Variants in DRC4 observed in about 807,000 individuals in gnomAD.
The protein encoded by DRC4 is GAS-11.
At chr16:90,043,106 C>G in the DRC4 span, 1 of 1,406,474 alleles carries the variant, frequency 7.1e-7, no homozygotes, top group African/African-American at 1.4e-5. Context: ...CACCGTGATG[C>G]TCACGCTGCC....
chr16:90,028,722 T>G, the DRC4 span, among the ~76,000 whole-genome samples: 5 of 152,342 alleles, frequency 3.3e-5, no homozygotes, highest in East Asian at 9.6e-4. Flanking sequence ...CGGTGCACCC[T>G]CTGGCCTCTG....
At chr16:90,024,573 C>T in the DRC4 span, among the ~76,000 whole-genome samples, 1 of 152,174 alleles carries the variant, frequency 6.6e-6, no homozygotes, top group Non-Finnish European at 1.5e-5. Context: ...TCAGGGTCTT[C>T]ACAATGCCTG....
the DRC4 span, chr16:90,040,245 C>G: frequency 6.6e-7 from 1 of 1,508,144 alleles, no homozygotes; most frequent in Admixed American, 2.0e-5. Context: ...ATCTTCCCAG[C>G]GAGATGTCCC....
the DRC4 span, among the ~76,000 whole-genome samples, chr16:90,035,319 C>G: frequency 6.6e-6 from 1 of 152,320 alleles, no homozygotes. Flanking sequence ...GGAATGAATC[C>G]TTTTAATATG....
At chr16:90,038,747 C>G in the DRC4 span, among the ~76,000 whole-genome samples, 10 of 152,280 alleles carry the variant, frequency 6.6e-5, no homozygotes. Context: ...CATCTCATTT[C>G]GTGGGCACTT....
At chr16:90,022,827 A>C in the DRC4 span, 4 of 1,130,708 alleles carry the variant, frequency 3.5e-6, no homozygotes, top group African/African-American at 4.9e-5. Flanking sequence ...GGAGGCCTGG[A>C]GCGCTGGGTT....
chr16:90,034,285 C>T, the DRC4 span, among the ~76,000 whole-genome samples: 2 of 152,146 alleles, frequency 1.3e-5, no homozygotes, highest in African/African-American at 4.8e-5. Flanking sequence ...AACCCAGGTC[C>T]TGGATATGAT....
At chr16:90,041,367 C>T in the DRC4 span, among the ~76,000 whole-genome samples, 6 of 152,182 alleles carry the variant, frequency 3.9e-5, no homozygotes, top group South Asian at 2.1e-4. Context: ...TGTCAGTGGG[C>T]AGCAGGGACG....
the DRC4 span, chr16:90,027,616 C>G: frequency 1.2e-6 from 2 of 1,612,292 alleles, no homozygotes; most frequent in Admixed American, 3.3e-5. Flanking sequence ...GTCTCTCTTA[C>G]CCCATTATTT....
chr16:90,040,391 A>G, the DRC4 span: 1 of 1,611,948 alleles, frequency 6.2e-7, no homozygotes, highest in Non-Finnish European at 8.5e-7. Flanking sequence ...CTCGTGCTAG[A>G]ACGCAAGCTG....
chr16:90,031,698 A>G, the DRC4 span, among the ~76,000 whole-genome samples: 706 of 152,242 alleles, frequency 4.6e-3, 5 homozygotes, highest in African/African-American at 0.016. Context: ...TGGAAGGAAT[A>G]TGGGCTCTGG....
the DRC4 span, chr16:90,035,494 C>A: frequency 9.2e-7 from 1 of 1,083,162 alleles, no homozygotes; most frequent in Non-Finnish European, 1.4e-6. Flanking sequence ...CTCTCTCAAG[C>A]TTAGAGGTGA....
At chr16:90,030,914 C>T in the DRC4 span, among the ~76,000 whole-genome samples, 5 of 152,126 alleles carry the variant, frequency 3.3e-5, no homozygotes, top group African/African-American at 9.7e-5. Flanking sequence ...CACCGCGCCT[C>T]GCTTATTTCC....
chr16:90,037,613 C>T, the DRC4 span: 51 of 958,438 alleles, frequency 5.3e-5, no homozygotes, highest in African/African-American at 1.6e-4. Context: ...TGCTACCGGC[C>T]GGCCTTGGTG....
chr16:90,042,372 C>T, the DRC4 span: 612 of 924,996 alleles, frequency 6.6e-4, 1 homozygote, highest in Admixed American at 1.5e-3. Flanking sequence ...GGCTGCTATT[C>T]GCTGGATCTC....
the DRC4 span, chr16:90,031,415 G>C: frequency 1.2e-6 from 2 of 1,613,494 alleles, no homozygotes; most frequent in Non-Finnish European, 1.7e-6. Context: ...CACGGAGGCA[G>C]CTGGAGGAGA....
the DRC4 span, chr16:90,036,944 C>G: frequency 1.8e-6 from 1 of 556,062 alleles, no homozygotes; most frequent in South Asian, 2.0e-5. Context: ...GTCATCGTCA[C>G]TGCATGCTGG....
At chr16:90,029,165 C>T in the DRC4 span, 171 of 1,195,356 alleles carry the variant, frequency 1.4e-4, 1 homozygote, top group East Asian at 2.1e-3. Flanking sequence ...GGGCAGGCTA[C>T]GGGGCAGCTT....
At chr16:90,037,459 G>A in the DRC4 span, 6 of 1,539,634 alleles carry the variant, frequency 3.9e-6, no homozygotes, top group African/African-American at 8.2e-5. Context: ...GCTCAGGAGG[G>A]AGGAGCATCA....
Sources: allele counts gnomAD v4.1 joint callset (sites outside exome capture counted in the v4.1 genomes callset), GRCh38; gene constraint gnomAD v4.1.1; transcripts MANE v1.5; gene names NCBI Gene and HGNC (gene_info 2026-07-23, HGNC 2026-07-21).